Variants in FUT9 observed in about 807,000 individuals in gnomAD.
The protein encoded by FUT9 is fucosyltransferase 9.
Under a neutral mutation model 29.7 loss-of-function variants are expected in FUT9, and 15 were observed. The observed-to-expected ratio is 0.51, with a 90% CI of 0.34 to 0.78. FUT9 has a LOEUF of 0.78. Among genes scored for constraint, FUT9 ranks in the 30% least tolerant of loss-of-function variants. The pLI is 0.01. For synonymous variants in FUT9, 169 were observed against 153.7 expected, an observed-to-expected ratio of 1.10 and a Z score of -0.74; for missense variants, 319 against 425.4, an observed-to-expected ratio of 0.75 and a Z score of 2.20.
intron 1 of FUT9, among the ~76,000 whole-genome samples, chr6:96,055,709 C>T (rs76485088): frequency 0.022 from 1,023 of 45,486 alleles, 21 homozygotes; most frequent in African/African-American, 0.04. Flanking sequence ...ATTTCTTTTT[C>T]TTTTTTTTTT....
intron 2 of FUT9, among the ~76,000 whole-genome samples, chr6:96,187,775 A>C (rs1340072140): frequency 6.6e-6 from 1 of 152,130 alleles, no homozygotes; most frequent in Non-Finnish European, 1.5e-5. Context: ...TCTGGGACAT[A>C]AGTGAAATGT....
At chr6:96,064,649 A>G (rs1378500801) in intron 1 of FUT9, among the ~76,000 whole-genome samples, 1 of 152,144 alleles carries the variant, frequency 6.6e-6, no homozygotes, top group African/African-American at 2.4e-5. Context: ...AAGTGGGTGG[A>G]TCTTTAATCA....
chr6:96,158,820 T>A (rs981708265), intron 2 of FUT9, among the ~76,000 whole-genome samples: 1 of 152,132 alleles, frequency 6.6e-6, no homozygotes, highest in African/African-American at 2.4e-5. Flanking sequence ...TAGGCTTGAA[T>A]CCTCAGAACT....
At chr6:96,070,153 A>G (rs1290579540) in intron 1 of FUT9, among the ~76,000 whole-genome samples, 6 of 152,196 alleles carry the variant, frequency 3.9e-5, no homozygotes, top group African/African-American at 1.4e-4. Context: ...TGATGAGCTG[A>G]TAAGTGAGGG....
intron 2 of FUT9, among the ~76,000 whole-genome samples, chr6:96,134,921 C>A (rs1165672975): frequency 6.6e-6 from 1 of 151,786 alleles, no homozygotes; most frequent in South Asian, 2.1e-4. Context: ...CTTTGCAGGA[C>A]CAACTTCAAT....
chr6:96,088,451 C>T (rs866978675), intron 1 of FUT9, among the ~76,000 whole-genome samples: 6 of 151,228 alleles, frequency 4.0e-5, no homozygotes, highest in East Asian at 1.9e-4. Flanking sequence ...CTTCTTTCTC[C>T]CAATTTTTAG....
At chr6:96,034,607 C>T (rs1392860755) in intron 1 of FUT9, among the ~76,000 whole-genome samples, 3 of 151,624 alleles carry the variant, frequency 2.0e-5, no homozygotes, top group Non-Finnish European at 3.0e-5. Flanking sequence ...AATCAATCAG[C>T]ATGAATCCAT....
At chr6:96,125,824 T>C (rs1772123668) in intron 2 of FUT9, among the ~76,000 whole-genome samples, 1 of 152,222 alleles carries the variant, frequency 6.6e-6, no homozygotes, top group Non-Finnish European at 1.5e-5. Context: ...CCTAAAAGCA[T>C]TTTAGAGCTA....
intron 2 of FUT9, among the ~76,000 whole-genome samples, chr6:96,153,329 T>A (rs879904404): frequency 1.3e-5 from 2 of 152,166 alleles, no homozygotes; most frequent in African/African-American, 4.8e-5. Flanking sequence ...AGCTGCTTCA[T>A]TTTTCCCTAT....
chr6:96,022,155 T>C lies in FUT9; in HGVS notation c.-98+5943T>C, dbSNP rs528419928. 2.0e-5 allele frequency among the ~76,000 whole-genome samples: 3 copies of C among 152,160 alleles called. No homozygotes were observed. The South Asian group carries it at 6.2e-4, about 32-fold the overall frequency. On this transcript the variant is annotated intron_variant, in intron 1 of 2. Transcript: ENST00000302103. Reference sequence around the variant, plus strand: ...GAGATGAGCTACAAGACATAGGTGTTAGTGATAACGATGTTTCACTGCCCT... The same window carrying C: ...GAGATGAGCTACAAGACATAGGTGTCAGTGATAACGATGTTTCACTGCCCT...
intron 2 of FUT9, among the ~76,000 whole-genome samples, chr6:96,145,222 T>C (rs1202352375): frequency 1.3e-5 from 2 of 152,036 alleles, no homozygotes; most frequent in East Asian, 3.9e-4. Context: ...CAATCCCAGA[T>C]AATTTTTTTG....
chr6:96,067,696 T>C (rs1770987813), intron 1 of FUT9, among the ~76,000 whole-genome samples: 1 of 152,056 alleles, frequency 6.6e-6, no homozygotes, highest in Non-Finnish European at 1.5e-5. Flanking sequence ...CTTGGAAGTA[T>C]AGAATTGTGG....
chr6:96,154,731 G>A (rs183540684), intron 2 of FUT9, among the ~76,000 whole-genome samples: 1 of 152,294 alleles, frequency 6.6e-6, no homozygotes. Context: ...ATTATAAAAA[G>A]AATGTCTTAG....
chr6:96,033,862 A>G (rs1212431946), intron 1 of FUT9, among the ~76,000 whole-genome samples: 1 of 151,708 alleles, frequency 6.6e-6, no homozygotes, highest in African/African-American at 2.4e-5. Flanking sequence ...GCACATATAC[A>G]TATATATGCT....
intron 1 of FUT9, among the ~76,000 whole-genome samples, chr6:96,056,564 A>C (rs1388094590): frequency 2.0e-5 from 3 of 152,162 alleles, no homozygotes; most frequent in Non-Finnish European, 4.4e-5. Flanking sequence ...CAATCTCAAT[A>C]TAAGCAAATA....
At chr6:96,174,857 C>G (rs765810348) in intron 2 of FUT9, among the ~76,000 whole-genome samples, 1 of 152,174 alleles carries the variant, frequency 6.6e-6, no homozygotes, top group South Asian at 2.1e-4. Flanking sequence ...AACTGATGAC[C>G]TAGAAAACAT....
chr6:96,151,658 C>T (rs1325199259), intron 2 of FUT9, among the ~76,000 whole-genome samples: 3 of 152,130 alleles, frequency 2.0e-5, no homozygotes, highest in Non-Finnish European at 4.4e-5. Context: ...GAGACCAGTT[C>T]CACAAAGCTG....
intron 2 of FUT9, among the ~76,000 whole-genome samples, chr6:96,154,992 T>G (rs1337252359): frequency 6.6e-6 from 1 of 152,178 alleles, no homozygotes; most frequent in Non-Finnish European, 1.5e-5. Context: ...TGACAGTCCC[T>G]GCAGTTACCC....
chr6:96,040,828 G>A (rs1312711658), intron 1 of FUT9, among the ~76,000 whole-genome samples: 1 of 152,126 alleles, frequency 6.6e-6, no homozygotes, highest in Non-Finnish European at 1.5e-5. Context: ...CTGGAAGATG[G>A]CCAAGTTTGT....
Sources: allele counts gnomAD v4.1 joint callset (sites outside exome capture counted in the v4.1 genomes callset), GRCh38; gene constraint gnomAD v4.1.1; transcripts MANE v1.5; gene names NCBI Gene and HGNC (gene_info 2026-07-23, HGNC 2026-07-21).